Variants in RARA observed in about 807,000 individuals in gnomAD.
The protein encoded by RARA is retinoic acid receptor alpha.
A neutral mutation model predicts 42.8 loss-of-function variants in RARA; 5 were observed. The ratio of observed to expected loss-of-function variants is 0.12; its 90% CI spans 0.06 to 0.25. RARA has a LOEUF of 0.25. Ranked by LOEUF, RARA falls within the 10% of genes least tolerant of loss-of-function variation. RARA has a pLI of 1.00. For missense variants in RARA, 402 were observed against 628.7 expected, an observed-to-expected ratio of 0.64 and a Z score of 3.86; for synonymous variants, 256 against 259.5, an observed-to-expected ratio of 0.99 and a Z score of 0.13.
chr17:40,310,907 C>A (rs1005920083), intron 1 of RARA, among the ~76,000 whole-genome samples: 1 of 152,126 alleles, frequency 6.6e-6, no homozygotes, highest in African/African-American at 2.4e-5. Flanking sequence ...TTTCTTCCCC[C>A]ATCCTTTGCC....
chr17:40,337,707 G>C (rs1408210692), intron 2 of RARA, among the ~76,000 whole-genome samples: 1 of 152,280 alleles, frequency 6.6e-6, no homozygotes, highest in Non-Finnish European at 1.5e-5. Context: ...AAGGGTGGCT[G>C]CATGTTTGCT....
rs530718970 is a variant in RARA at position 40,337,946 on chromosome 17, T to C, written c.178+6550T>C. On this transcript the variant is annotated intron_variant, in intron 2 of 8. Coordinates refer to ENST00000254066, the MANE Select transcript of RARA (RefSeq NM_000964.4). ...AGAGGGACAGCCCAGGTGGAGGGAG[T>C]GCTGCCTAGCAATGCCTTTCTTGGA... is the stretch of plus-strand genomic sequence containing the variant. Among the ~76,000 whole-genome samples the C allele has an allele frequency of 1.5e-4, 23 of 152,108 alleles. No individual in the cohort carries two copies. In the East Asian group the frequency reaches 4.3e-3, roughly 28 times the overall value.
chr17:40,331,594 G>C (rs1284021263), intron 2 of RARA, among the ~76,000 whole-genome samples, 198 bp downstream of exon 2: 1 of 152,188 alleles, frequency 6.6e-6, no homozygotes, highest in African/African-American at 2.4e-5. Context: ...TGGTGGTTGT[G>C]TTTGAAGTTG....
At position 40,352,453 on chromosome 17, in the gene RARA, C is replaced by G. The variant is rs369508611; in HGVS notation, c.753C>G (p.Thr251=). ...CCAAGCAGCTGCCCGGCTTCACCACCCTCACCATCGCCGACCAGATCACCC... is the reference window on the plus strand; with the variant it reads ...CCAAGCAGCTGCCCGGCTTCACCACGCTCACCATCGCCGACCAGATCACCC... ...EFAKQLPGFT[T]LTIADQITLL... is the part of the protein sequence containing the mutation. The change falls in exon 6 of 9, where the codon ACC becomes ACG. Residue 251 remains threonine (T), a synonymous_variant. Transcript: ENST00000254066. The surrounding 1 kb of genome is among the most constrained non-coding windows in gnomAD (Gnocchi z 4.9). 7.4e-6 allele frequency: 12 copies of G among 1,613,782 alleles called. No homozygotes were observed. The highest frequency in any genetic ancestry group is 1.3e-5 in the African/African-American group (1 of 75,038).
In RARA at chr17:40,355,195, C is replaced by A; in HGVS notation, c.1013-68C>A. Reference sequence around the variant, plus strand: ...CCTCCATGGCCTGGGCAGGCACGCCCCCCGGTGGCCGAGGCTGGGGGTGCA... The same window carrying A: ...CCTCCATGGCCTGGGCAGGCACGCCACCCGGTGGCCGAGGCTGGGGGTGCA... On this transcript the variant is annotated intron_variant, in intron 7 of 8. Transcript: ENST00000254066. This position sits in a 1 kb window ranked among gnomAD's most constrained non-coding sequence, Gnocchi z 4.1. 1 of 1,497,646 alleles carries A rather than the reference C, an allele frequency of 6.7e-7. No homozygotes were observed. The highest frequency in any genetic ancestry group is 9.0e-7 in the Non-Finnish European group (1 of 1,117,066). The allele number at this position is 1,497,646 out of a possible 1,614,324, so 92.8% of individuals were successfully genotyped here.
intron 2 of RARA, among the ~76,000 whole-genome samples, chr17:40,344,124 G>C (rs2034171272): frequency 6.6e-6 from 1 of 151,414 alleles, no homozygotes; most frequent in Non-Finnish European, 1.5e-5. Flanking sequence ...TGGCAGATTG[G>C]AGAAGGTTGA....
At chr17:40,341,311 G>A in intron 2 of RARA, 1 of 1,383,948 alleles carries the variant, frequency 7.2e-7, no homozygotes, top group Non-Finnish European at 9.4e-7. Flanking sequence ...CAGAGCGTGG[G>A]GAGGAGGGCC....
At chr17:40,339,713 A>G (rs1368117457) in intron 2 of RARA, among the ~76,000 whole-genome samples, 2 of 152,046 alleles carry the variant, frequency 1.3e-5, no homozygotes, top group Non-Finnish European at 2.9e-5. Flanking sequence ...TTTTTTAACA[A>G]CACTCATCTC....
rs2034497672 is a variant in RARA, at chr17:40,352,833, G to T, written c.807+326G>T. On this transcript the variant is annotated intron_variant, in intron 6 of 8. Coordinates refer to ENST00000254066, the MANE Select transcript of RARA (RefSeq NM_000964.4). This position sits in a 1 kb window ranked among gnomAD's most constrained non-coding sequence, Gnocchi z 4.9. Reference sequence around the variant, plus strand: ...CTCATACCTGTAATCCCAGCACTTTGGGAGGCCGAGCGAGGCAGGAGGATC... The same window carrying T: ...CTCATACCTGTAATCCCAGCACTTTTGGAGGCCGAGCGAGGCAGGAGGATC... Among the ~76,000 whole-genome samples the T allele has an allele frequency of 6.6e-6, 1 of 152,150 alleles. No homozygotes were observed. The highest frequency in any genetic ancestry group is 1.5e-5 in the Non-Finnish European group (1 of 68,024).
chr17:40,309,636 G>A (rs895895934), intron 1 of RARA, among the ~76,000 whole-genome samples: 2 of 152,164 alleles, frequency 1.3e-5, no homozygotes, highest in East Asian at 3.9e-4. Flanking sequence ...GAATTGGCAA[G>A]TGCTGAGGTA....
chr17:40,330,126 G>A (rs1028074936), intron 1 of RARA, among the ~76,000 whole-genome samples: 5 of 152,180 alleles, frequency 3.3e-5, no homozygotes, highest in Admixed American at 2.0e-4. Context: ...CCCAGTTCAT[G>A]TGTTTTGCTT....
chr17:40,356,825 TTGGGGGGAGCTGGATCCAGAGC>T lies in RARA; in HGVS notation c.*603_*624del, dbSNP rs1176861849. ...ATACTGAAGGAATTTGTGCTGTGTA[TTGGGGGGAGCTGGATCCAGAGC>T]TGGAGGGGGTGGGTCCGGGGGAGGG... On this transcript the variant is annotated 3_prime_UTR_variant, in exon 9 of 9. Coordinates refer to ENST00000254066, the MANE Select transcript of RARA (RefSeq NM_000964.4). The T allele has an allele frequency of 2.4e-6, 1 of 413,200 alleles. No homozygotes were observed. Among genetic ancestry groups the T allele is most frequent in the Non-Finnish European group, 4.6e-6 (1 of 219,202 alleles). 25.6% of individuals were successfully genotyped at this position (413,200 alleles called of 1,614,324 possible). A position where few individuals can be genotyped will look rare whatever the true frequency, so the allele number is the denominator to read the frequency against.
At chr17:40,338,799 C>A (rs911290140) in intron 2 of RARA, among the ~76,000 whole-genome samples, 2 of 151,464 alleles carry the variant, frequency 1.3e-5, no homozygotes, top group Admixed American at 1.3e-4. Flanking sequence ...TGCTTGAGCT[C>A]AGGAGTTCAA....
chr17:40,322,558 C>T (rs576228374), intron 1 of RARA, among the ~76,000 whole-genome samples: 13 of 152,252 alleles, frequency 8.5e-5, no homozygotes, highest in Middle Eastern at 6.8e-3. Context: ...TTTATCCCGG[C>T]CCTCCCCCCG....
Position 40,320,271 on chromosome 17 carries a change from A to C in RARA, c.-362-10586A>C, listed in dbSNP as rs1247147355. On this transcript the variant is annotated intron_variant, in intron 1 of 8. Transcript: ENST00000254066. This position sits in a 1 kb window ranked among gnomAD's most constrained non-coding sequence, Gnocchi z 4.1. ...ATCCCTTCAGTCTGACCCTAAATGC[A>C]CCGGCTGCCACCCTGGGACACCTTT... 6.6e-6 allele frequency among the ~76,000 whole-genome samples: 1 copy of C among 152,032 alleles called. No homozygotes were observed. The highest frequency in any genetic ancestry group is 1.5e-5 in the Non-Finnish European group (1 of 68,006).
chr17:40,339,980 C>T (rs193044359), intron 2 of RARA, among the ~76,000 whole-genome samples: 81 of 152,320 alleles, frequency 5.3e-4, no homozygotes, highest in African/African-American at 1.9e-3. Flanking sequence ...CCATCTGTAG[C>T]CCTGACTGCA....
At chr17:40,353,026 G>A (rs1171594904) in intron 6 of RARA, among the ~76,000 whole-genome samples, 1 of 152,208 alleles carries the variant, frequency 6.6e-6, no homozygotes, top group Non-Finnish European at 1.5e-5. Context: ...TTCCATGTGA[G>A]GCAAGAGATA....
intron 1 of RARA, among the ~76,000 whole-genome samples, chr17:40,329,949 T>C (rs894430632): frequency 6.6e-6 from 1 of 152,160 alleles, no homozygotes; most frequent in Admixed American, 6.5e-5. Context: ...TTGCTGCCTA[T>C]CTGTCTCACT....
At chr17:40,342,955 G>C in intron 2 of RARA, 2 of 1,516,682 alleles carry the variant, frequency 1.3e-6, no homozygotes, top group Non-Finnish European at 1.8e-6. Flanking sequence ...GAGTCCCGGG[G>C]TGTAGTGGAG....
Sources: allele counts gnomAD v4.1 joint callset (sites outside exome capture counted in the v4.1 genomes callset), GRCh38; gene constraint gnomAD v4.1.1; non-coding constraint Gnocchi (gnomAD v3.1); transcripts MANE v1.5; gene names NCBI Gene and HGNC (gene_info 2026-07-23, HGNC 2026-07-21).